NKAIN2: variants seen among roughly 807,000 people sequenced by gnomAD.
NKAIN2 encodes the protein sodium/potassium transporting ATPase interacting 2, also known as sodium/potassium-transporting ATPase subunit beta-1-interacting protein 2.
Under a neutral mutation model 32.6 loss-of-function variants are expected in NKAIN2, and 14 were observed. That is an observed-to-expected ratio of 0.43 (90% confidence interval 0.28 to 0.67). The LOEUF is 0.67. NKAIN2 is among the 30% of genes least tolerant of loss of function. NKAIN2 has a pLI of 0.17. For missense variants in NKAIN2, 198 were observed against 258.3 expected, an observed-to-expected ratio of 0.77 and a Z score of 1.60; for synonymous variants, 80 against 87.2, an observed-to-expected ratio of 0.92 and a Z score of 0.46.
In NKAIN2 at chr6:124,623,294, A is replaced by T. The variant is rs759860697; in HGVS notation, c.274-34892A>T. ...TATTCTTTGACTCATCACATGTATG[A>T]TGGGGCTGCAAAGGAAAGACCACAG... On this transcript the variant is annotated intron_variant, in intron 3 of 6. Transcript: ENST00000368417. 2.4e-4 allele frequency among the ~76,000 whole-genome samples: 37 copies of T among 152,144 alleles called. 1 individual carries two copies. Among genetic ancestry groups the T allele is most frequent in the Non-Finnish European group, 3.4e-4 (23 of 68,036 alleles).
At chr6:124,551,729 C>A (rs1269517989) in intron 3 of NKAIN2, among the ~76,000 whole-genome samples, 1 of 152,146 alleles carries the variant, frequency 6.6e-6, no homozygotes, top group African/African-American at 2.4e-5. Flanking sequence ...TCCTGTATCC[C>A]AATCAAGGTC....
chr6:123,945,746 T>C (rs1777033225), intron 1 of NKAIN2, among the ~76,000 whole-genome samples: 1 of 152,134 alleles, frequency 6.6e-6, no homozygotes. Context: ...CATTTCTACA[T>C]AACAATTGGA....
intron 1 of NKAIN2, among the ~76,000 whole-genome samples, chr6:124,130,971 T>C (rs1247458829): frequency 1.3e-5 from 2 of 152,196 alleles, no homozygotes; most frequent in African/African-American, 2.4e-5. Context: ...AGTCCTGTCT[T>C]GGCCTGGTGT....
chr6:124,065,850 A>G (rs988083066), intron 1 of NKAIN2, among the ~76,000 whole-genome samples: 2 of 152,108 alleles, frequency 1.3e-5, no homozygotes, highest in Admixed American at 1.3e-4. Context: ...TAAATACCAA[A>G]CATGTAATTA....
chr6:124,744,050 G>A (rs991980587), intron 4 of NKAIN2, among the ~76,000 whole-genome samples: 14 of 151,958 alleles, frequency 9.2e-5, no homozygotes, highest in South Asian at 8.3e-4. Flanking sequence ...TAAAAAGCAA[G>A]TTATAGTAAG....
intron 1 of NKAIN2, among the ~76,000 whole-genome samples, chr6:124,221,664 T>C (rs1791834629): frequency 6.6e-6 from 1 of 151,958 alleles, no homozygotes; most frequent in Non-Finnish European, 1.5e-5. Context: ...CCAGAAATGA[T>C]GCTAAAGATG....
At chr6:124,128,031 G>A (rs998999997) in intron 1 of NKAIN2, among the ~76,000 whole-genome samples, 1 of 152,154 alleles carries the variant, frequency 6.6e-6, no homozygotes, top group Admixed American at 6.5e-5. Context: ...GCTTCACCAT[G>A]TTGGCCAGGC....
At chr6:124,145,086 C>A (rs1277463037) in intron 1 of NKAIN2, among the ~76,000 whole-genome samples, 1 of 152,162 alleles carries the variant, frequency 6.6e-6, no homozygotes, top group Non-Finnish European at 1.5e-5. Context: ...GATATCACTA[C>A]ACATATATCA....
At chr6:123,814,567 C>A (rs146631723) in intron 1 of NKAIN2, among the ~76,000 whole-genome samples, 2 of 152,080 alleles carry the variant, frequency 1.3e-5, no homozygotes, top group Non-Finnish European at 2.9e-5. Flanking sequence ...ACTTTCTTTT[C>A]GTAAGAAAGA....
intron 1 of NKAIN2, among the ~76,000 whole-genome samples, chr6:124,027,068 C>T (rs1256827238): frequency 4.6e-5 from 7 of 152,042 alleles, no homozygotes; most frequent in Middle Eastern, 3.4e-3. Flanking sequence ...GAAGTGCCTA[C>T]GGCTTAGCAA....
At chr6:123,824,588 A>G (rs1003190915) in intron 1 of NKAIN2, among the ~76,000 whole-genome samples, 1 of 152,054 alleles carries the variant, frequency 6.6e-6, no homozygotes, top group Non-Finnish European at 1.5e-5. Flanking sequence ...TTACTATCCC[A>G]TAGAGCATTA....
chr6:123,851,926 A>G (rs906826681), intron 1 of NKAIN2, among the ~76,000 whole-genome samples: 1 of 151,288 alleles, frequency 6.6e-6, no homozygotes, highest in African/African-American at 2.4e-5. Flanking sequence ...TTTTATTTTT[A>G]TTTTTTTTGC....
At chr6:124,023,032 T>TTATA (rs939412803) in intron 1 of NKAIN2, among the ~76,000 whole-genome samples, 31 of 150,438 alleles carry the variant, frequency 2.1e-4, no homozygotes, top group African/African-American at 5.9e-4. Flanking sequence ...TATGTATACT[T>TTATA]TATATATATA....
chr6:124,000,498 A>G (rs1779835034), intron 1 of NKAIN2, among the ~76,000 whole-genome samples: 1 of 152,176 alleles, frequency 6.6e-6, no homozygotes, highest in African/African-American at 2.4e-5. Flanking sequence ...TAATACATTG[A>G]ATTTTAGTGT....
intron 1 of NKAIN2, among the ~76,000 whole-genome samples, chr6:123,935,314 G>T (rs1776449780): frequency 1.3e-5 from 2 of 151,408 alleles, no homozygotes; most frequent in South Asian, 4.1e-4. Context: ...GTATCCAAGT[G>T]TTTGGCTTAG....
intron 1 of NKAIN2, among the ~76,000 whole-genome samples, chr6:124,116,102 T>A (rs559158003): frequency 6.6e-6 from 1 of 152,190 alleles, no homozygotes; most frequent in South Asian, 2.1e-4. Flanking sequence ...AGTAACAAAA[T>A]TCTTATTGGG....
At chr6:124,307,424 G>T (rs1195233281) in intron 2 of NKAIN2, among the ~76,000 whole-genome samples, 1 of 152,146 alleles carries the variant, frequency 6.6e-6, no homozygotes, top group Non-Finnish European at 1.5e-5. Context: ...CTGGGGAGGA[G>T]TGGTAGGTAG....
Position 124,213,794 on chromosome 6 carries a change from A to G in NKAIN2, c.55-69211A>G, listed in dbSNP as rs371690406. Reference sequence around the variant, plus strand: ...ATGTTTTTCTTGCTTTTTACAAAATACTGGTATCTATAGTCAATCTGTGGT... The same window carrying G: ...ATGTTTTTCTTGCTTTTTACAAAATGCTGGTATCTATAGTCAATCTGTGGT... On this transcript the variant is annotated intron_variant, in intron 1 of 6. Transcript: ENST00000368417. Among the ~76,000 whole-genome samples, 198 of 152,272 alleles carry G rather than the reference A, an allele frequency of 1.3e-3. No homozygotes were observed. The Middle Eastern group carries it at 0.031, about 24-fold the overall frequency.
intron 1 of NKAIN2, among the ~76,000 whole-genome samples, chr6:123,907,308 A>G (rs1018925392): frequency 1.3e-5 from 2 of 152,162 alleles, no homozygotes; most frequent in African/African-American, 4.8e-5. Context: ...GTAAAATGTA[A>G]TAAAAATATA....
Sources: gnomAD v4.1 joint callset for allele counts (sites outside exome capture counted in the v4.1 genomes callset) on GRCh38, gnomAD v4.1.1 for gene constraint, MANE v1.5 for transcripts, NCBI Gene and HGNC (gene_info 2026-07-23, HGNC 2026-07-21) for gene names.